The following MAGI2 variants were observed in gnomAD, a reference collection of about 807,000 sequenced individuals.
MAGI2 encodes the protein membrane associated guanylate kinase, WW and PDZ domain containing 2, also known as membrane-associated guanylate kinase, WW and PDZ domain-containing protein 2.
A neutral mutation model predicts 133.3 loss-of-function variants in MAGI2; 35 were observed. The ratio of observed to expected loss-of-function variants is 0.26; its 90% CI spans 0.20 to 0.35. The LOEUF is 0.35. MAGI2 is among the 10% of genes least tolerant of loss of function. The probability of loss-of-function intolerance (pLI) is 1.00; values close to 1 mark genes in which losing one functional copy is unlikely to be tolerated. For synonymous variants in MAGI2, 729 were observed against 710.6 expected (o/e 1.03, Z -0.41); for missense variants, 1,636 against 1,863.4 (o/e 0.88, Z 2.25).
At chr7:79,206,287 T>C (rs950149985) in intron 1 of MAGI2, among the ~76,000 whole-genome samples, 3 of 151,260 alleles carry the variant, frequency 2.0e-5, no homozygotes, top group African/African-American at 7.3e-5. Context: ...TTAATAAAAC[T>C]GAGTTGGTTT....
At chr7:78,097,847 C>A (rs553271875) in intron 20 of MAGI2, among the ~76,000 whole-genome samples, 13 of 152,086 alleles carry the variant, frequency 8.5e-5, no homozygotes, top group Admixed American at 2.0e-4. Flanking sequence ...TTTGCCAATC[C>A]CCAGTCTAGA....
At chr7:79,289,200 T>C (rs1254791703) in intron 1 of MAGI2, among the ~76,000 whole-genome samples, 1 of 152,150 alleles carries the variant, frequency 6.6e-6, no homozygotes, top group African/African-American at 2.4e-5. Context: ...CTCCTTCATA[T>C]TCCCAAAAAT....
chr7:79,436,157 G>A (rs907490959), intron 1 of MAGI2, among the ~76,000 whole-genome samples: 24 of 151,022 alleles, frequency 1.6e-4, no homozygotes, highest in Non-Finnish European at 2.2e-4. Context: ...CCTGAAACAC[G>A]GAGGTTTCAG....
intron 2 of MAGI2, among the ~76,000 whole-genome samples, chr7:78,800,263 G>A (rs1787954871): frequency 6.6e-6 from 1 of 152,052 alleles, no homozygotes; most frequent in African/African-American, 2.4e-5. Flanking sequence ...GGCAAACAAA[G>A]CTTATTTTTA....
chr7:78,216,446 G>A (rs1174223534), intron 10 of MAGI2, among the ~76,000 whole-genome samples: 1 of 152,196 alleles, frequency 6.6e-6, no homozygotes, highest in Non-Finnish European at 1.5e-5. Context: ...CCCCATGCTT[G>A]TAAGAACAAA....
intron 2 of MAGI2, among the ~76,000 whole-genome samples, chr7:78,694,684 T>C (rs1314781916): frequency 6.6e-6 from 1 of 152,174 alleles, no homozygotes; most frequent in African/African-American, 2.4e-5. Flanking sequence ...CAGCCACACC[T>C]GGATTTAAAT....
chr7:78,500,598 T>C (rs559270617), intron 5 of MAGI2, among the ~76,000 whole-genome samples: 74 of 152,304 alleles, frequency 4.9e-4, no homozygotes, highest in African/African-American at 1.7e-3. Context: ...ATACAAAAAT[T>C]ATATTTTTTA....
At chr7:78,341,160 A>G (rs1790332786) in intron 9 of MAGI2, among the ~76,000 whole-genome samples, 1 of 152,166 alleles carries the variant, frequency 6.6e-6, no homozygotes, top group African/African-American at 2.4e-5. Flanking sequence ...ATTCCTATAC[A>G]CCAATAATAG....
intron 21 of MAGI2, among the ~76,000 whole-genome samples, chr7:78,058,079 C>G (rs905871838): frequency 6.0e-5 from 9 of 149,200 alleles, no homozygotes; most frequent in Admixed American, 6.0e-4. Flanking sequence ...AGTGAATTTT[C>G]ATAAGGAATA....
intron 2 of MAGI2, among the ~76,000 whole-genome samples, chr7:78,717,945 C>T (rs930763527): frequency 6.6e-6 from 1 of 152,182 alleles, no homozygotes; most frequent in African/African-American, 2.4e-5. Flanking sequence ...TCGTTTTCTA[C>T]AATGGGCAAA....
intron 6 of MAGI2, among the ~76,000 whole-genome samples, chr7:78,432,245 C>A (rs528560815): frequency 4.7e-5 from 7 of 148,636 alleles, no homozygotes; most frequent in African/African-American, 1.7e-4. Context: ...TTCTTTTTGC[C>A]AAAAACAATT....
At chr7:78,442,628 T>C (rs1210274003) in intron 6 of MAGI2, among the ~76,000 whole-genome samples, 10 of 152,204 alleles carry the variant, frequency 6.6e-5, no homozygotes, top group Admixed American at 2.6e-4. Context: ...TGATGCAGTG[T>C]AACTTGTAAT....
intron 1 of MAGI2, among the ~76,000 whole-genome samples, chr7:79,422,083 G>A (rs1169564775): frequency 2.0e-5 from 3 of 152,010 alleles, no homozygotes; most frequent in Non-Finnish European, 4.4e-5. Flanking sequence ...AGCCTGGCAG[G>A]ACCAATCACA....
At chr7:78,783,197 G>C (rs2151346552) in intron 2 of MAGI2, among the ~76,000 whole-genome samples, 1 of 151,944 alleles carries the variant, frequency 6.6e-6, no homozygotes, top group East Asian at 1.9e-4. Flanking sequence ...TCATGCTATC[G>C]CTCTTCAAGA....
At chr7:79,074,230 A>G (rs1378798534) in intron 1 of MAGI2, among the ~76,000 whole-genome samples, 1 of 152,210 alleles carries the variant, frequency 6.6e-6, no homozygotes, top group East Asian at 1.9e-4. Flanking sequence ...TAGGCATCTA[A>G]ATATGATCAA....
chr7:78,132,982 C>T lies in MAGI2; in HGVS notation c.3110G>A (p.Ser1037Asn), dbSNP rs1031843489. 1.2e-6 allele frequency: 2 copies of T among 1,612,090 alleles called. No homozygotes were observed. The highest frequency in any genetic ancestry group is 2.2e-5 in the East Asian group (1 of 44,752). The change falls in exon 18 of 22, where the codon AGT (serine) becomes AAT (asparagine). Residue 1037 changes from serine to asparagine, a missense_variant. Physicochemically the swap from Ser to Asn is conservative, Grantham distance 46. Around this residue, in one of 5 missense-constraint regions of MAGI2, gnomAD observed 920 missense variants for 1,093.5 expected, o/e 0.84. Transcript: ENST00000354212. ...MAQQSPLAQQ[S>N]PLAQPSPATP... ...GGCTGGGCTTGGCTGGGCCAGGGGACTCTGCTGTGCCAGGGGACTCTGCTG... is the reference window on the plus strand; with the variant it reads ...GGCTGGGCTTGGCTGGGCCAGGGGATTCTGCTGTGCCAGGGGACTCTGCTG...
In MAGI2 at chr7:78,017,661, C is replaced by A. The variant is rs951232043; in HGVS notation, c.*1654G>T. 6.6e-6 allele frequency: 1 copy of A among 152,610 alleles called. No homozygotes were observed. The highest frequency in any genetic ancestry group is 2.1e-4 in the South Asian group (1 of 4,834). The allele number at this position is 152,610 out of a possible 1,614,324, so 9.5% of individuals were successfully genotyped here. A position where few individuals can be genotyped will look rare whatever the true frequency, so the allele number is the denominator to read the frequency against. ...AATTGCTTTTACAAGCTGCAAGATC[C>A]TTCACTTGAGGCTTTCAGCCTTATT... On this transcript the variant is annotated 3_prime_UTR_variant, in exon 22 of 22. Transcript: ENST00000354212.
intron 3 of MAGI2, among the ~76,000 whole-genome samples, chr7:78,530,772 C>T (rs1797399901): frequency 6.6e-6 from 1 of 151,940 alleles, no homozygotes; most frequent in Admixed American, 6.6e-5. Flanking sequence ...TGTCCCATTT[C>T]CAATTTCCTT....
intron 2 of MAGI2, among the ~76,000 whole-genome samples, chr7:78,959,855 G>A (rs17151746): frequency 0.026 from 3,972 of 152,182 alleles, 256 homozygotes; most frequent in East Asian, 0.17. Context: ...GCCATTCCAA[G>A]GTTTCTGGAG....
Sources: allele counts gnomAD v4.1 joint callset (sites outside exome capture counted in the v4.1 genomes callset), GRCh38; gene constraint gnomAD v4.1.1; regional missense constraint gnomAD v4.1.1; transcripts MANE v1.5; gene names NCBI Gene and HGNC (gene_info 2026-07-23, HGNC 2026-07-21).